RCL1: variants seen among roughly 807,000 people sequenced by gnomAD.
RCL1 encodes RNA 3'-terminal phosphate cyclase-like protein.
In RCL1, 24 loss-of-function variants were observed where a neutral mutation model predicts 42.4. The ratio of observed to expected loss-of-function variants is 0.57; its 90% CI spans 0.41 to 0.80. RCL1 has a LOEUF of 0.80. Among genes scored for constraint, RCL1 ranks in the 30% least tolerant of loss-of-function variants. The probability of loss-of-function intolerance (pLI) is 0.00; values close to 1 mark genes in which losing one functional copy is unlikely to be tolerated. For missense variants in RCL1, 578 were observed against 467.9 expected (o/e 1.24, Z -2.17); for synonymous variants, 228 against 177.3 (o/e 1.29, Z -2.27).
intron 2 of RCL1, among the ~76,000 whole-genome samples, chr9:4,825,815 A>G (rs370520538): frequency 1.3e-5 from 2 of 152,194 alleles, no homozygotes; most frequent in East Asian, 3.9e-4. Context: ...AGATGGGAGT[A>G]AGAAGCTTTT....
At chr9:4,855,940 G>A (rs1309144173) in intron 8 of RCL1, among the ~76,000 whole-genome samples, 12 of 152,208 alleles carry the variant, frequency 7.9e-5, no homozygotes, top group Non-Finnish European at 1.6e-4. Context: ...CTGAGGGCCC[G>A]TAGAAATTCT....
rs1817319743 is a variant in RCL1 at position 4,841,362 on chromosome 9, G to C, written c.710+5G>C. 4 of 1,608,166 alleles carry C rather than the reference G, an allele frequency of 2.5e-6. No individual in the cohort carries two copies. In the East Asian group the frequency reaches 8.9e-5, roughly 36 times the overall value. On this transcript the variant is annotated splice_donor_5th_base_variant and intron_variant, in intron 6 of 8. Transcript: ENST00000381750. ...GAAAGGAGTCAACTCTGGGAAGTAA[G>C]TATCTGTGTTTTTGAAGTCTGTTTC...
At chr9:4,832,800 C>G (rs1253654632) in intron 3 of RCL1, among the ~76,000 whole-genome samples, 2 of 123,094 alleles carry the variant, frequency 1.6e-5, no homozygotes, top group South Asian at 6.3e-4. Context: ...GAGCGAGATT[C>G]CACTCAAAAA....
At position 4,827,725 on chromosome 9, in the gene RCL1, G is replaced by A. The variant is rs71496499; in HGVS notation, c.384+692G>A. The stretch of plus-strand genomic sequence containing the variant: ...TCACAACTGTCTTAATGCCATTCTA[G>A]GATGAAGTGTGTGTGTGTGTGTGTG... On this transcript the variant is annotated intron_variant, in intron 3 of 8. Transcript: ENST00000381750. 5.6e-3 allele frequency among the ~76,000 whole-genome samples: 711 copies of A among 127,176 alleles called. 6 individuals carry two copies. The highest frequency in any genetic ancestry group is 7.3e-3 in the Non-Finnish European group (433 of 59,182). The allele number at this position is 127,176 out of a possible 152,430, so 83.4% of individuals were successfully genotyped here.
At chr9:4,847,304 A>T (rs374659874) in intron 7 of RCL1, among the ~76,000 whole-genome samples, 1 of 152,200 alleles carries the variant, frequency 6.6e-6, no homozygotes, top group Non-Finnish European at 1.5e-5. Context: ...TATTAAAAGG[A>T]TGGAAATACT....
intron 1 of RCL1, among the ~76,000 whole-genome samples, chr9:4,800,307 C>T (rs181061565): frequency 5.3e-5 from 8 of 152,176 alleles, no homozygotes; most frequent in South Asian, 2.1e-4. Flanking sequence ...CTCCCACTCC[C>T]GGGTTCAGGC....
intron 8 of RCL1, among the ~76,000 whole-genome samples, chr9:4,858,944 G>T (rs1284978880): frequency 1.3e-5 from 2 of 152,220 alleles, no homozygotes; most frequent in Non-Finnish European, 1.5e-5. Flanking sequence ...CTATGAACTG[G>T]GGAGTACAGG....
At chr9:4,794,366 G>A (rs1055294881) in intron 1 of RCL1, among the ~76,000 whole-genome samples, 1 of 152,222 alleles carries the variant, frequency 6.6e-6, no homozygotes, top group Non-Finnish European at 1.5e-5. Context: ...CCTAGTGATG[G>A]TAGGAAAAAC....
At chr9:4,799,843 A>G (rs1842969698) in intron 1 of RCL1, among the ~76,000 whole-genome samples, 1 of 152,160 alleles carries the variant, frequency 6.6e-6, no homozygotes, top group Non-Finnish European at 1.5e-5. Flanking sequence ...GCCATTTCTC[A>G]GACTCTGACT....
At chr9:4,858,077 G>A (rs1258713788) in intron 8 of RCL1, among the ~76,000 whole-genome samples, 1 of 151,846 alleles carries the variant, frequency 6.6e-6, no homozygotes, top group Non-Finnish European at 1.5e-5. Flanking sequence ...AGAGATGGGG[G>A]TCGTAATAGA....
At chr9:4,833,112 GA>G (rs774034759) in intron 3 of RCL1, 41 bp from the exon 4 acceptor site, 73 of 1,370,716 alleles carry the variant, frequency 5.3e-5, no homozygotes, top group Non-Finnish European at 6.9e-5. Context: ...GTATTCTGCT[GA>G]AGGCTTAATT....
At chr9:4,796,152 C>G (rs1842910328) in intron 1 of RCL1, among the ~76,000 whole-genome samples, 1 of 152,114 alleles carries the variant, frequency 6.6e-6, no homozygotes, top group Non-Finnish European at 1.5e-5. Context: ...ATATTGCCTA[C>G]TGGTGGGGAC....
chr9:4,823,693 T>A, intron 2 of RCL1, 74 bp downstream of exon 2: 2 of 1,078,778 alleles, frequency 1.9e-6, no homozygotes, highest in Non-Finnish European at 1.4e-6. Context: ...TTTTTTTCTT[T>A]CCTTTTTTTT....
At chr9:4,793,369 C>A in intron 1 of RCL1, 142 bp downstream of exon 1, 4 of 841,660 alleles carry the variant, frequency 4.8e-6, no homozygotes, top group Non-Finnish European at 5.0e-6. Context: ...GCGTCGCCTC[C>A]AAAGCCGGAG....
chr9:4,800,906 G>A (rs538882210), intron 1 of RCL1, among the ~76,000 whole-genome samples: 2 of 151,382 alleles, frequency 1.3e-5, no homozygotes, highest in African/African-American at 2.4e-5. Flanking sequence ...CTCCTGGCTC[G>A]GCCTCCCAGA....
chr9:4,823,503 G>A (rs953091550), intron 1 of RCL1, 45 bp from the exon 2 acceptor site: 16 of 1,461,778 alleles, frequency 1.1e-5, no homozygotes, highest in Non-Finnish European at 1.5e-5. Flanking sequence ...CTGACATGAG[G>A]ACAGTCTGTC....
chr9:4,823,692 T>C (rs949935143), intron 2 of RCL1, 73 bp downstream of exon 2: 7 of 1,079,362 alleles, frequency 6.5e-6, no homozygotes, highest in Non-Finnish European at 9.6e-6. Flanking sequence ...TTTTTTTTCT[T>C]TCCTTTTTTT....
In RCL1 at chr9:4,858,807, A is replaced by G. The variant is rs548482492; in HGVS notation, c.972-1318A>G. Reference sequence around the variant, plus strand: ...GGCTGGTTTGATTGGGAGACAGTACAGTGCGAGGTTTTTGTAATACTTCAC... The same window carrying G: ...GGCTGGTTTGATTGGGAGACAGTACGGTGCGAGGTTTTTGTAATACTTCAC... On this transcript the variant is annotated intron_variant, in intron 8 of 8. Transcript: ENST00000381750. Among the ~76,000 whole-genome samples the G allele has an allele frequency of 3.9e-5, 6 of 152,314 alleles. No individual in the cohort carries two copies. The South Asian group carries it at 1.0e-3, about 26-fold the overall frequency.
intron 1 of RCL1, among the ~76,000 whole-genome samples, chr9:4,794,841 T>C (rs1842888190): frequency 6.6e-6 from 1 of 152,196 alleles, no homozygotes; most frequent in Non-Finnish European, 1.5e-5. Context: ...AGCTCCCGTT[T>C]CTTCCAAGAA....
Sources: gnomAD v4.1 joint callset for allele counts (sites outside exome capture counted in the v4.1 genomes callset) on GRCh38, gnomAD v4.1.1 for gene constraint, MANE v1.5 for transcripts, NCBI Gene and HGNC (gene_info 2026-07-23, HGNC 2026-07-21) for gene names.